Variants in POLR3B observed in about 807,000 individuals in gnomAD.
POLR3B encodes DNA-directed RNA polymerase III subunit RPC2.
A neutral mutation model predicts 147.4 loss-of-function variants in POLR3B; 96 were observed. The ratio of observed to expected loss-of-function variants is 0.65; its 90% confidence interval spans 0.55 to 0.77. The LOEUF (loss-of-function observed/expected upper bound fraction) is 0.77, where lower values mean the gene tolerates loss of function less well. POLR3B is among the 30% of genes least tolerant of loss of function. The pLI, the probability that POLR3B is intolerant of heterozygous loss-of-function variation, is 0.00. For synonymous variants in POLR3B, 461 were observed against 485.9 expected, an observed-to-expected ratio of 0.95 and a Z score of 0.67; for missense variants, 1,036 against 1,413.5, an observed-to-expected ratio of 0.73 and a Z score of 4.28.
chr12:106,463,518 A>G lies in POLR3B; in HGVS notation c.2611A>G (p.Ile871Val), dbSNP rs1004957354. ...ATDSYIEKVM[I>V]SSNAEDAFLI... Reference sequence around the variant, plus strand: ...AGACTCATATATTGAAAAAGTGATGATATCTTCAAATGCTGAAGATGCTTT... The same window carrying G: ...AGACTCATATATTGAAAAAGTGATGGTATCTTCAAATGCTGAAGATGCTTT... The change falls in exon 23 of 28, where the codon ATA becomes GTA. Residue 871 changes from isoleucine (I) to valine (V), a missense_variant. Transcript: ENST00000228347. The G allele has an allele frequency of 5.0e-6, 8 of 1,612,148 alleles. No individual in the cohort carries two copies. Among genetic ancestry groups the G allele is most frequent in the Admixed American group, 1.7e-5 (1 of 59,988 alleles).
intron 6 of POLR3B, among the ~76,000 whole-genome samples, chr12:106,374,903 C>T (rs544076436): frequency 6.6e-6 from 1 of 152,292 alleles, no homozygotes; most frequent in South Asian, 2.1e-4. Context: ...ACATTAGTTT[C>T]CATTTTCTTT....
rs145226190 is a variant in POLR3B at position 106,491,282 on chromosome 12, C to T, written c.2714-4773C>T. 3.5e-3 allele frequency among the ~76,000 whole-genome samples: 526 copies of T among 152,272 alleles called. 2 individuals are homozygous for T. The highest frequency in any genetic ancestry group is 0.012 in the African/African-American group (505 of 41,546). On this transcript the variant is annotated intron_variant, in intron 23 of 27. Coordinates refer to ENST00000228347, the MANE Select transcript of POLR3B (RefSeq NM_018082.6). ...GCTCACCAGAAAGTGGTGCTTCCCC[C>T]GCACCCCCAAAGTAACATATCAGTG...
At chr12:106,391,169 T>C (rs1352643787) in intron 9 of POLR3B, among the ~76,000 whole-genome samples, 1 of 152,182 alleles carries the variant, frequency 6.6e-6, no homozygotes, top group Non-Finnish European at 1.5e-5. Flanking sequence ...GACAGAAAAC[T>C]GCAGGTGCTC....
chr12:106,494,767 A>G (rs1269653904), intron 23 of POLR3B, among the ~76,000 whole-genome samples: 1 of 152,216 alleles, frequency 6.6e-6, no homozygotes, highest in East Asian at 1.9e-4. Context: ...AGGAAAGCAT[A>G]TATTTATAAT....
chr12:106,407,014 C>T (rs572103442), intron 11 of POLR3B, among the ~76,000 whole-genome samples: 310 of 152,232 alleles, frequency 2.0e-3, no homozygotes, highest in African/African-American at 6.9e-3. Flanking sequence ...CATCCAGATC[C>T]GATTTTCCTG....
chr12:106,393,961 T>C (rs1289947475), intron 10 of POLR3B, among the ~76,000 whole-genome samples: 1 of 152,194 alleles, frequency 6.6e-6, no homozygotes, highest in African/African-American at 2.4e-5. Flanking sequence ...TTCCCCACTA[T>C]AGAATCACAA....
In POLR3B at chr12:106,359,866, G is replaced by T. The variant is rs753857137; in HGVS notation, c.72+1915G>T. Among the ~76,000 whole-genome samples the T allele has an allele frequency of 2.6e-5, 4 of 152,190 alleles. No homozygotes were observed. In the South Asian group the frequency reaches 8.3e-4, roughly 32 times the overall value. On this transcript the variant is annotated intron_variant, in intron 1 of 27. Coordinates refer to ENST00000228347, the MANE Select transcript of POLR3B (RefSeq NM_018082.6). ...ATTTGGACTCTTGTCAGTCTGACTC[G>T]AGTCTTCATCCCTAACTGCTATCGG...
chr12:106,502,611 G>T (rs1433700969), intron 26 of POLR3B, among the ~76,000 whole-genome samples: 10 of 151,974 alleles, frequency 6.6e-5, no homozygotes, highest in South Asian at 2.1e-4. Context: ...CATGCTTGGG[G>T]TTTCATTTTT....
intron 9 of POLR3B, among the ~76,000 whole-genome samples, chr12:106,382,368 G>C (rs1006445837): frequency 6.6e-6 from 1 of 152,158 alleles, no homozygotes; most frequent in Non-Finnish European, 1.5e-5. Context: ...AGGGTCTCTT[G>C]TATTCAAGGG....
chr12:106,461,922 A>G (rs1019243424), intron 22 of POLR3B, among the ~76,000 whole-genome samples: 19 of 152,132 alleles, frequency 1.2e-4, no homozygotes, highest in Non-Finnish European at 2.6e-4. Context: ...ACTCCCATAT[A>G]GACATCTGCC....
In POLR3B at chr12:106,430,325, T is replaced by G. The variant is rs1247494078; in HGVS notation, c.1316T>G (p.Val439Gly). 18 of 1,613,990 alleles carry G rather than the reference T, an allele frequency of 1.1e-5. No individual in the cohort carries two copies. The East Asian group carries it at 3.8e-4, about 34-fold the overall frequency. ...FKMDRQGVTQ[V>G]LSRLSYISAL... is the part of the protein sequence containing the mutation. The stretch of plus-strand genomic sequence containing the variant: ...ATGGACCGCCAGGGTGTAACCCAAG[T>G]GCTGTCTCGCTTGTCATATATATCC... The change falls in exon 14 of 28, where the codon GTG becomes GGG. Residue 439 changes from valine to glycine, a missense_variant. Coordinates refer to ENST00000228347, the MANE Select transcript of POLR3B (RefSeq NM_018082.6).
chr12:106,376,888 C>T (rs1421503561), intron 7 of POLR3B, among the ~76,000 whole-genome samples: 1 of 152,212 alleles, frequency 6.6e-6, no homozygotes, highest in Non-Finnish European at 1.5e-5. Flanking sequence ...CAGGCGTGAA[C>T]CACTGCGCCT....
At chr12:106,500,524 A>G (rs1374151379) in intron 25 of POLR3B, among the ~76,000 whole-genome samples, 1 of 152,176 alleles carries the variant, frequency 6.6e-6, no homozygotes, top group African/African-American at 2.4e-5. Context: ...AAAAGGGGCA[A>G]GTGCGCCAAA....
chr12:106,403,105 A>G (rs1396592059), intron 10 of POLR3B, among the ~76,000 whole-genome samples: 3 of 151,636 alleles, frequency 2.0e-5, no homozygotes, highest in Non-Finnish European at 4.4e-5. Context: ...ACTCAAACAA[A>G]TTTACAAGAA....
intron 1 of POLR3B, among the ~76,000 whole-genome samples, chr12:106,359,154 G>A (rs1419051244): frequency 2.0e-5 from 3 of 152,124 alleles, no homozygotes; most frequent in Non-Finnish European, 4.4e-5. Context: ...GGTCGAGGCT[G>A]CAGTGAGCCG....
chr12:106,435,191 G>A (rs1478459700), intron 16 of POLR3B, among the ~76,000 whole-genome samples: 1 of 150,986 alleles, frequency 6.6e-6, no homozygotes, highest in Non-Finnish European at 1.5e-5. Flanking sequence ...GCAGTGGTAC[G>A]ATCTTGAGTC....
chr12:106,433,922 G>T (rs777898034), intron 16 of POLR3B, 50 bp downstream of exon 16: 27 of 1,451,902 alleles, frequency 1.9e-5, no homozygotes, highest in Non-Finnish European at 2.2e-5. Flanking sequence ...CTTTATATTT[G>T]CTCTTGAAAG....
chr12:106,441,647 TTATC>T (rs1386562591), intron 18 of POLR3B, among the ~76,000 whole-genome samples: 1 of 152,214 alleles, frequency 6.6e-6, no homozygotes, highest in African/African-American at 2.4e-5. Context: ...TGTTATTACA[TTATC>T]TACCTACACA....
rs150105411 is a variant in POLR3B, at chr12:106,502,208, G to A, written c.3098+772G>A. 4.2e-3 allele frequency among the ~76,000 whole-genome samples: 643 copies of A among 152,228 alleles called. 7 individuals carry two copies. Among genetic ancestry groups the A allele is most frequent in the African/African-American group, 0.015 (605 of 41,538 alleles). ...CATCTAGTAGGGAGAGGCCAGGGAT[G>A]CTGCAAGGACAGCCCCCTACAACAG... On this transcript the variant is annotated intron_variant, in intron 26 of 27. Coordinates refer to ENST00000228347, the MANE Select transcript of POLR3B (RefSeq NM_018082.6).
Sources: gnomAD v4.1 joint callset for allele counts (sites outside exome capture counted in the v4.1 genomes callset) on GRCh38, gnomAD v4.1.1 for gene constraint, MANE v1.5 for transcripts, NCBI Gene and HGNC (gene_info 2026-07-23, HGNC 2026-07-21) for gene names.